TCF7: variants seen among roughly 807,000 people sequenced by gnomAD.
The protein encoded by TCF7 is transcription factor 7, also known as T-cell-factor-7.
In TCF7, 19 loss-of-function variants were observed where a neutral mutation model predicts 46.8. The ratio of observed to expected loss-of-function variants is 0.41; its 90% CI spans 0.28 to 0.60. The LOEUF is 0.60. TCF7 is among the 20% of genes least tolerant of loss of function. The pLI is 0.35. For synonymous variants in TCF7, 245 were observed against 213.4 expected (o/e 1.15, Z -1.29); for missense variants, 547 against 504.6 (o/e 1.08, Z -0.81).
At chr5:134,116,133 G>GA in intron 3 of TCF7, 100 bp downstream of exon 3, 2 of 1,474,980 alleles carry the variant, frequency 1.4e-6, no homozygotes, top group Non-Finnish European at 9.0e-7. Flanking sequence ...CAAAATAGAC[G>GA]AGACTCCTGT....
At chr5:134,138,188 G>T in intron 4 of TCF7, 24 bp downstream of exon 4, 2 of 1,605,064 alleles carry the variant, frequency 1.2e-6, no homozygotes, top group Middle Eastern at 1.7e-4. Flanking sequence ...ATGGGGAGGG[G>T]CCCAGTGAAA....
intron 2 of TCF7, chr5:134,115,700 G>GGGAGGTC (rs1229611150): frequency 2.1e-6 from 3 of 1,430,466 alleles, no homozygotes; most frequent in Non-Finnish European, 2.7e-6. Flanking sequence ...GGCGGGGGGT[G>GGGAGGTC]GGAGGTCAAG....
chr5:134,114,283 G>A (rs1755489683), upstream of TCF7, among the ~76,000 whole-genome samples: 1 of 152,074 alleles, frequency 6.6e-6, no homozygotes, highest in Non-Finnish European at 1.5e-5. Flanking sequence ...CAAGCCCTAG[G>A]AAGCCCCCAG....
At chr5:134,141,872 G>A in intron 5 of TCF7, 1 of 244,460 alleles carries the variant, frequency 4.1e-6, no homozygotes, top group Non-Finnish European at 8.0e-6. Flanking sequence ...AGGCCTCACA[G>A]GGCAGCCACA....
chr5:134,138,886 C>T (rs1317191602), intron 4 of TCF7, 65 bp from the exon 5 acceptor site: 13 of 1,599,320 alleles, frequency 8.1e-6, no homozygotes, highest in South Asian at 1.1e-5. Context: ...TTCTAGGATG[C>T]AGTAACTGCT....
In TCF7 at chr5:134,147,850, C is replaced by T. The variant is rs1760881682; in HGVS notation, c.*1547C>T. 1.3e-5 allele frequency: 2 copies of T among 151,762 alleles called. No individual in the cohort carries two copies. Among genetic ancestry groups the T allele is most frequent in the South Asian group, 4.2e-4 (2 of 4,804 alleles). The allele number at this position is 151,762 out of a possible 1,614,324, so 9.4% of individuals were successfully genotyped here. A position where few individuals can be genotyped will look rare whatever the true frequency, so the allele number is the denominator to read the frequency against. On this transcript the variant is annotated 3_prime_UTR_variant, in exon 10 of 10. Coordinates refer to ENST00000342854, the MANE Select transcript of TCF7 (RefSeq NM_003202.5). Reference sequence around the variant, plus strand: ...AATTAGCCGGACGTGGTGGTGCGCGCATGTAATCCCAGCTACTCGGGAGGC... The same window carrying T: ...AATTAGCCGGACGTGGTGGTGCGCGTATGTAATCCCAGCTACTCGGGAGGC...
chr5:134,136,005 C>G (rs1412799672), intron 3 of TCF7, among the ~76,000 whole-genome samples: 1 of 152,088 alleles, frequency 6.6e-6, no homozygotes, highest in Admixed American at 6.5e-5. Flanking sequence ...TGGTGGAAGT[C>G]ACTGGGACTT....
At chr5:134,120,976 G>C (rs934150699) in intron 3 of TCF7, among the ~76,000 whole-genome samples, 19 of 152,184 alleles carry the variant, frequency 1.2e-4, no homozygotes, top group Non-Finnish European at 2.6e-4. Context: ...TGCTGGCCTG[G>C]CTCCCCTGGG....
rs1760222209 is a variant in TCF7, at chr5:134,143,620, A to G, written c.1055A>G (p.Lys352Arg). The G allele has an allele frequency of 6.2e-7, 1 of 1,613,884 alleles. No individual in the cohort carries two copies. The highest frequency in any genetic ancestry group is 1.3e-5 in the African/African-American group (1 of 74,906). Residue 352 changes from lysine (K) to arginine (R), a missense_variant, in exon 9 of 10, where the codon AAG becomes AGG. Lys to Arg is a conservative substitution (Grantham distance 26). Around this residue, in one of 3 missense-constraint regions of TCF7, gnomAD observed 90 missense variants for 88.8 expected, o/e 1.01. Transcript: ENST00000342854. ...AAGAAGAAGAGGCGGTCGAGGGAAA[A>G]GCACCAAGAATCCACCACAGGTGAG... Reference protein sequence around the residue: ...YGKKKRRSREKHQESTTGGKR... With the variant: ...YGKKKRRSRERHQESTTGGKR...
At chr5:134,134,764 TGAAAAGGTCAGC>T (rs1758620133) in intron 3 of TCF7, among the ~76,000 whole-genome samples, 1 of 152,080 alleles carries the variant, frequency 6.6e-6, no homozygotes, top group South Asian at 2.1e-4. Context: ...AAAAGGTCAG[TGAAAAGGTCAGC>T]AAGCCTAGAG....
chr5:134,113,689 C>T (rs1353885917), upstream of TCF7, among the ~76,000 whole-genome samples: 1 of 152,276 alleles, frequency 6.6e-6, no homozygotes, highest in Non-Finnish European at 1.5e-5. Context: ...CCAAGCGCGC[C>T]GTGGAGGCCC....
At chr5:134,122,219 C>T (rs1320858473) in intron 3 of TCF7, among the ~76,000 whole-genome samples, 1 of 152,134 alleles carries the variant, frequency 6.6e-6, no homozygotes, top group South Asian at 2.1e-4. Flanking sequence ...CCCACCCTGT[C>T]CTGGGGTCAG....
In TCF7 at chr5:134,142,346, G is replaced by C. The variant is rs990165323; in HGVS notation, c.755+42G>C. The C allele has an allele frequency of 4.6e-6, 7 of 1,522,192 alleles. No homozygotes were observed. The African/African-American group carries it at 8.3e-5, about 18-fold the overall frequency. The allele number at this position is 1,522,192 out of a possible 1,614,324, so 94.3% of individuals were successfully genotyped here. On this transcript the variant is annotated intron_variant, in intron 6 of 9. Coordinates refer to ENST00000342854, the MANE Select transcript of TCF7 (RefSeq NM_003202.5). ...TGATGGCAGGGGGTGTGTCAGTCAG[G>C]ATACACATGCCTCCCCACCAGGCCT... is the stretch of plus-strand genomic sequence containing the variant.
At chr5:134,121,488 C>T (rs553676539) in intron 3 of TCF7, among the ~76,000 whole-genome samples, 68 of 151,546 alleles carry the variant, frequency 4.5e-4, no homozygotes, top group Middle Eastern at 3.4e-3. Flanking sequence ...ACTCAGGAGG[C>T]TGAGGCAGGA....
Position 134,147,702 on chromosome 5 carries a change from G to A in TCF7, c.*1399G>A, listed in dbSNP as rs1160023271. On this transcript the variant is annotated 3_prime_UTR_variant, in exon 10 of 10. Transcript: ENST00000342854. Reference sequence around the variant, plus strand: ...AAGAAAAAGGGCTGCCGGGCCAGGCGCGGTGGCTCACGCCTGTAATCCCAG... The same window carrying A: ...AAGAAAAAGGGCTGCCGGGCCAGGCACGGTGGCTCACGCCTGTAATCCCAG... The A allele has an allele frequency of 3.3e-5, 5 of 152,260 alleles. No individual in the cohort carries two copies. The South Asian group carries it at 6.2e-4, about 19-fold the overall frequency. 9.4% of individuals were successfully genotyped at this position (152,260 alleles called of 1,614,324 possible). A position where few individuals can be genotyped will look rare whatever the true frequency, so the allele number is the denominator to read the frequency against.
intron 3 of TCF7, 70 bp from the exon 4 acceptor site, chr5:134,137,989 A>C: frequency 3.1e-6 from 4 of 1,278,960 alleles, no homozygotes; most frequent in Non-Finnish European, 3.3e-6. Context: ...GGCTTCCTGT[A>C]TACCCTCATC....
At chr5:134,122,011 T>C (rs1184124805) in intron 3 of TCF7, among the ~76,000 whole-genome samples, 1 of 152,184 alleles carries the variant, frequency 6.6e-6, no homozygotes, top group Non-Finnish European at 1.5e-5. Flanking sequence ...CTGTGAGCTA[T>C]TTTGAATTAC....
intron 5 of TCF7, chr5:134,141,821 G>A (rs1759817984): frequency 5.6e-6 from 1 of 180,010 alleles, no homozygotes; most frequent in African/African-American, 2.4e-5. Flanking sequence ...TCTGGCTATT[G>A]TGTGGAGAGA....
At chr5:134,143,532 C>T (rs530608640) in intron 8 of TCF7, 60 bp from the exon 9 acceptor site, 7 of 1,603,486 alleles carry the variant, frequency 4.4e-6, no homozygotes, top group African/African-American at 4.0e-5. Context: ...AGGCAGCAGG[C>T]TGTGGGTATC....
Sources: gnomAD v4.1 joint callset for allele counts (sites outside exome capture counted in the v4.1 genomes callset) on GRCh38, gnomAD v4.1.1 for gene constraint, gnomAD v4.1.1 regional missense constraint, MANE v1.5 for transcripts, NCBI Gene and HGNC (gene_info 2026-07-23, HGNC 2026-07-21) for gene names.